GRID1: variants seen among roughly 807,000 people sequenced by gnomAD.
The protein encoded by GRID1 is glutamate ionotropic receptor delta type subunit 1.
In GRID1, 28 loss-of-function variants were observed where a neutral mutation model predicts 98.0. The ratio of observed to expected loss-of-function variants is 0.29; its 90% CI spans 0.21 to 0.39. The LOEUF is 0.39. Ranked by LOEUF, GRID1 falls within the 10% of genes least tolerant of loss-of-function variation. The pLI is 1.00. For missense variants in GRID1, 1,111 were observed against 1,340.5 expected (o/e 0.83, Z 2.67); for synonymous variants, 553 against 538.5 (o/e 1.03, Z -0.37).
chr10:85,694,548 GTGTATATATATATATATATATATATATA>G (rs1366835699), intron 12 of GRID1, among the ~76,000 whole-genome samples: 1,425 of 70,746 alleles, frequency 0.02, 30 homozygotes, highest in African/African-American at 0.061. Flanking sequence ...AAAATGTGGT[GTGTATATATATATATATATATATATATA>G]TATATATATA....
intron 4 of GRID1, among the ~76,000 whole-genome samples, chr10:85,983,641 G>A (rs1842572937): frequency 6.6e-6 from 1 of 152,140 alleles, no homozygotes; most frequent in Admixed American, 6.5e-5. Flanking sequence ...ATCCTCTCCT[G>A]GGCCAGGGTG....
chr10:85,857,046 C>G (rs1843117107), intron 6 of GRID1, among the ~76,000 whole-genome samples: 1 of 152,146 alleles, frequency 6.6e-6, no homozygotes, highest in Non-Finnish European at 1.5e-5. Context: ...CTCTGGTCGC[C>G]GGACACGCCT....
intron 8 of GRID1, among the ~76,000 whole-genome samples, chr10:85,808,932 C>T (rs912178500): frequency 6.6e-6 from 1 of 151,662 alleles, no homozygotes; most frequent in African/African-American, 2.4e-5. Context: ...GTGAACAGAC[C>T]AGCATTTAAA....
intron 4 of GRID1, among the ~76,000 whole-genome samples, chr10:85,987,128 A>G (rs964598329): frequency 6.8e-5 from 9 of 132,194 alleles, no homozygotes; most frequent in Admixed American, 1.5e-4. Flanking sequence ...CCCAGGGCTC[A>G]GAGTTGCCCC....
chr10:86,061,883 T>G (rs1843653810), intron 4 of GRID1, among the ~76,000 whole-genome samples: 1 of 152,210 alleles, frequency 6.6e-6, no homozygotes, highest in African/African-American at 2.4e-5. Context: ...AAGCAGGGGT[T>G]CTTAATTTCT....
chr10:86,227,568 C>A (rs56888246), intron 2 of GRID1, among the ~76,000 whole-genome samples: 1 of 137,424 alleles, frequency 7.3e-6, no homozygotes, highest in South Asian at 2.2e-4. Context: ...CCCTCATGAG[C>A]TCAGCCAGCC....
Position 86,206,353 on chromosome 10 carries a change from G to T in GRID1, c.520+11C>A. On this transcript the variant is annotated intron_variant, in intron 3 of 15. Coordinates refer to ENST00000327946, the MANE Select transcript of GRID1 (RefSeq NM_017551.3). This position sits in a 1 kb window ranked among gnomAD's most constrained non-coding sequence, Gnocchi z 4.1. ...CCCAAGCAGCCCCAGCTCGCCTGCC[G>T]GACAACTCACCATACTCGCTGTCGT... 1 of 1,581,490 alleles carries T rather than the reference G, an allele frequency of 6.3e-7. No individual in the cohort carries two copies. The highest frequency in any genetic ancestry group is 1.2e-5 in the South Asian group (1 of 85,966).
At chr10:85,878,143 A>C (rs1840930585) in intron 5 of GRID1, among the ~76,000 whole-genome samples, 2 of 152,216 alleles carry the variant, frequency 1.3e-5, no homozygotes, top group South Asian at 4.1e-4. Flanking sequence ...TCTACGTCTG[A>C]TTGGTGTACC....
intron 14 of GRID1, among the ~76,000 whole-genome samples, chr10:85,619,085 G>C (rs979888693): frequency 6.6e-6 from 1 of 152,184 alleles, no homozygotes; most frequent in Non-Finnish European, 1.5e-5. Context: ...ACTAGGCTCT[G>C]CAGATTCATC....
At chr10:86,154,951 C>A (rs548300621) in intron 3 of GRID1, among the ~76,000 whole-genome samples, 1 of 152,162 alleles carries the variant, frequency 6.6e-6, no homozygotes, top group Non-Finnish European at 1.5e-5. Flanking sequence ...CTATTATTAT[C>A]CCCACTTTAC....
chr10:85,911,676 T>C (rs1038306822), intron 5 of GRID1, among the ~76,000 whole-genome samples: 1 of 152,208 alleles, frequency 6.6e-6, no homozygotes, highest in African/African-American at 2.4e-5. Flanking sequence ...CATGTAACAA[T>C]GGAAGCTGCC....
chr10:85,996,425 A>G (rs1269790635), intron 4 of GRID1, among the ~76,000 whole-genome samples: 1 of 152,246 alleles, frequency 6.6e-6, no homozygotes, highest in Non-Finnish European at 1.5e-5. Flanking sequence ...GAAGTATACA[A>G]TAACTAAAAT....
At chr10:86,291,762 A>G (rs1902675) in intron 2 of GRID1, among the ~76,000 whole-genome samples, 133,145 of 152,244 alleles carry the variant, frequency 0.87, 58,698 homozygotes, top group Non-Finnish European at 0.91. Context: ...AGGCTGATGC[A>G]AAGTGACCAT....
chr10:85,918,782 G>A (rs7073759), intron 4 of GRID1, among the ~76,000 whole-genome samples: 14,433 of 152,226 alleles, frequency 0.095, 761 homozygotes, highest in Middle Eastern at 0.12. Context: ...CAGGAGTAGC[G>A]ACGTCCCATC....
chr10:86,146,906 G>A (rs748090556), intron 3 of GRID1, among the ~76,000 whole-genome samples: 9 of 152,320 alleles, frequency 5.9e-5, no homozygotes, highest in Non-Finnish European at 1.0e-4. Flanking sequence ...CCATGCAGGC[G>A]ACTCTCTGTG....
chr10:86,242,655 C>G (rs1388865290), intron 2 of GRID1, among the ~76,000 whole-genome samples: 1 of 152,210 alleles, frequency 6.6e-6, no homozygotes. Context: ...TGCCCATGCC[C>G]ACCTCCAAAA....
chr10:85,749,422 T>A (rs1842025876), intron 8 of GRID1, among the ~76,000 whole-genome samples: 1 of 152,184 alleles, frequency 6.6e-6, no homozygotes, highest in Non-Finnish European at 1.5e-5. Flanking sequence ...CACATCAGGC[T>A]TTCTGTGAAC....
intron 4 of GRID1, among the ~76,000 whole-genome samples, chr10:85,918,840 C>T (rs899491364): frequency 2.6e-5 from 4 of 152,168 alleles, no homozygotes; most frequent in East Asian, 1.9e-4. Flanking sequence ...TTTACAGTGC[C>T]GTGTTTTCTA....
At chr10:85,775,249 T>C (rs1374382075) in intron 8 of GRID1, among the ~76,000 whole-genome samples, 1 of 146,690 alleles carries the variant, frequency 6.8e-6, no homozygotes, top group Non-Finnish European at 1.5e-5. Context: ...CACCACATAT[T>C]CTCACTCATA....
Sources: gnomAD v4.1 joint callset for allele counts (sites outside exome capture counted in the v4.1 genomes callset) on GRCh38, gnomAD v4.1.1 for gene constraint, Gnocchi (gnomAD v3.1) non-coding constraint, MANE v1.5 for transcripts, NCBI Gene and HGNC (gene_info 2026-07-23, HGNC 2026-07-21) for gene names.